The following ADAP2 variants were observed in gnomAD, a reference collection of about 807,000 sequenced individuals.
The protein encoded by ADAP2 is ArfGAP with dual PH domains 2, also known as arf-GAP with dual PH domain-containing protein 2.
In ADAP2, 42 loss-of-function variants were observed where a neutral mutation model predicts 54.9. That is an observed-to-expected ratio of 0.77 (90% CI 0.60 to 0.99). ADAP2 has a LOEUF of 0.99. Ranked by LOEUF, ADAP2 falls within the 50% of genes least tolerant of loss-of-function variation. The probability of loss-of-function intolerance (pLI) is 0.00; values close to 1 mark genes in which losing one functional copy is unlikely to be tolerated. For missense variants in ADAP2, 429 were observed against 480.4 expected, an observed-to-expected ratio of 0.89 and a Z score of 1.00; for synonymous variants, 177 against 180.1, an observed-to-expected ratio of 0.98 and a Z score of 0.14.
chr17:30,953,446 G>A, intron 8 of ADAP2, 96 bp downstream of exon 8: 1 of 1,350,648 alleles, frequency 7.4e-7, no homozygotes, highest in South Asian at 1.3e-5. Context: ...ACAGTGAAAG[G>A]TGTTAGGCCA....
chr17:30,936,427 T>C (rs1299172037), intron 5 of ADAP2, among the ~76,000 whole-genome samples: 1 of 152,138 alleles, frequency 6.6e-6, no homozygotes, highest in Non-Finnish European at 1.5e-5. Context: ...CCTCCCAAAG[T>C]ACTAGGATTA....
chr17:30,950,985 G>A (rs953590317), intron 7 of ADAP2, among the ~76,000 whole-genome samples: 1 of 152,164 alleles, frequency 6.6e-6, no homozygotes, highest in Non-Finnish European at 1.5e-5. Flanking sequence ...TCCACTGTCG[G>A]TACCTGATAT....
Position 30,949,304 on chromosome 17 carries a change from C to T in ADAP2, c.675C>T (p.Phe225=). 2 of 1,613,932 alleles carry T rather than the reference C, an allele frequency of 1.2e-6. No individual in the cohort carries two copies. The highest frequency in any genetic ancestry group is 2.2e-5 in the South Asian group (2 of 91,072). ...HESGKEIVDW[F]NALRAARLQY... ...CTCCGCAGGAGATAGTGGACTGGTT[C>T]AATGCCCTCCGTGCAGCCCGTCTGC... The change falls in exon 7 of 11, where the codon TTC becomes TTT. Residue 225 remains phenylalanine, a synonymous_variant. Transcript: ENST00000330889.
intron 6 of ADAP2, 100 bp downstream of exon 6, chr17:30,945,153 T>A: frequency 2.2e-6 from 3 of 1,379,570 alleles, no homozygotes; most frequent in Non-Finnish European, 2.0e-6. Context: ...TGTGCTCAGC[T>A]GCCTCTTGAG....
intron 3 of ADAP2, among the ~76,000 whole-genome samples, chr17:30,928,237 T>C (rs189516506): frequency 1.7e-3 from 250 of 145,008 alleles, no homozygotes; most frequent in Admixed American, 3.1e-3. Context: ...GGCTCACACC[T>C]GTAATCCTAG....
intron 6 of ADAP2, among the ~76,000 whole-genome samples, chr17:30,947,980 T>C (rs1399435205): frequency 2.6e-5 from 4 of 151,976 alleles, no homozygotes; most frequent in African/African-American, 9.7e-5. Flanking sequence ...TGGGTGAAGA[T>C]AGGCGGGGTA....
In ADAP2 at chr17:30,933,727, C is replaced by T. The variant is rs932482411; in HGVS notation, c.398-458C>T. Among the ~76,000 whole-genome samples the T allele has an allele frequency of 9.2e-5, 14 of 152,138 alleles. No homozygotes were observed. In the Middle Eastern group the frequency reaches 0.01, roughly 111 times the overall value. ...GTTGGTCAGGCTGGTCTTGAACTCC[C>T]GACCTTGTGATCTGCCCGCCTCGGC... On this transcript the variant is annotated intron_variant, in intron 4 of 10. Transcript: ENST00000330889.
At chr17:30,927,624 A>AT in intron 3 of ADAP2, among the ~76,000 whole-genome samples, 1 of 151,712 alleles carries the variant, frequency 6.6e-6, no homozygotes, top group Non-Finnish European at 1.5e-5. Context: ...CAAAAAAAAA[A>AT]AAAAATAAAA....
In ADAP2 at chr17:30,921,975, G is replaced by C. The variant is rs1039605579; in HGVS notation, c.-40G>C. On this transcript the variant is annotated 5_prime_UTR_variant, in exon 1 of 11. Transcript: ENST00000330889. ...TCTCCACCTGCCGGGCGGAGCGCACGGGCCATGGGCTGAGCCCCGCTGAGC... is the reference window on the plus strand; with the variant it reads ...TCTCCACCTGCCGGGCGGAGCGCACCGGCCATGGGCTGAGCCCCGCTGAGC... The C allele has an allele frequency of 4.1e-6, 5 of 1,212,618 alleles. No individual in the cohort carries two copies. The East Asian group carries it at 1.0e-4, about 24-fold the overall frequency. The allele number at this position is 1,212,618 out of a possible 1,614,324, so 75.1% of individuals were successfully genotyped here. A position where few individuals can be genotyped will look rare whatever the true frequency, so the allele number is the denominator to read the frequency against.
chr17:30,928,007 A>G (rs1911189691), intron 3 of ADAP2, among the ~76,000 whole-genome samples: 1 of 151,128 alleles, frequency 6.6e-6, no homozygotes, highest in Admixed American at 6.6e-5. Flanking sequence ...TGAGTGACAG[A>G]GTGAGACCTA....
At chr17:30,952,929 G>A (rs1217985295) in intron 7 of ADAP2, among the ~76,000 whole-genome samples, 6 of 152,072 alleles carry the variant, frequency 3.9e-5, no homozygotes, top group African/African-American at 4.8e-5. Context: ...TACCCACCTC[G>A]CAGGGTGATT....
intron 7 of ADAP2, among the ~76,000 whole-genome samples, chr17:30,953,073 C>T (rs1420462195): frequency 1.3e-5 from 2 of 152,156 alleles, no homozygotes; most frequent in East Asian, 1.9e-4. Context: ...AAAACTCGGC[C>T]GTGCCACTAA....
intron 2 of ADAP2, among the ~76,000 whole-genome samples, chr17:30,925,501 T>C (rs565207766): frequency 7.0e-4 from 107 of 152,102 alleles, no homozygotes; most frequent in African/African-American, 2.5e-3. Flanking sequence ...CTCTGTTATA[T>C]TTCCTTCTTC....
intron 4 of ADAP2, among the ~76,000 whole-genome samples, chr17:30,933,721 A>G (rs1911667076): frequency 6.6e-6 from 1 of 152,018 alleles, no homozygotes; most frequent in Non-Finnish European, 1.5e-5. Flanking sequence ...GCTGGTCTTG[A>G]ACTCCCGACC....
At chr17:30,951,719 C>T (rs142369600) in intron 7 of ADAP2, among the ~76,000 whole-genome samples, 1 of 150,144 alleles carries the variant, frequency 6.7e-6, no homozygotes, top group Non-Finnish European at 1.5e-5. Flanking sequence ...GCAGTGGCGC[C>T]ATCTTGGCTC....
chr17:30,942,341 G>A (rs966257779), intron 5 of ADAP2, among the ~76,000 whole-genome samples: 1 of 152,138 alleles, frequency 6.6e-6, no homozygotes, highest in Non-Finnish European at 1.5e-5. Context: ...GTCAAGTGTT[G>A]GTGAGTATAT....
At chr17:30,955,908 A>C (rs921497448) in intron 9 of ADAP2, among the ~76,000 whole-genome samples, 3 of 151,862 alleles carry the variant, frequency 2.0e-5, no homozygotes, top group African/African-American at 7.3e-5. Context: ...ATTCATAATA[A>C]TAATTAATAA....
At chr17:30,922,576 C>G (rs901562372) in intron 1 of ADAP2, among the ~76,000 whole-genome samples, 1 of 152,190 alleles carries the variant, frequency 6.6e-6, no homozygotes, top group Non-Finnish European at 1.5e-5. Flanking sequence ...CAGACGCCCC[C>G]CGAAGGCCTC....
chr17:30,953,448 G>A (rs1388399925), intron 8 of ADAP2, 98 bp downstream of exon 8: 3 of 1,329,072 alleles, frequency 2.3e-6, no homozygotes, highest in Non-Finnish European at 3.2e-6. Flanking sequence ...AGTGAAAGGT[G>A]TTAGGCCAAG....
Sources: allele counts gnomAD v4.1 joint callset (sites outside exome capture counted in the v4.1 genomes callset), GRCh38; gene constraint gnomAD v4.1.1; transcripts MANE v1.5; gene names NCBI Gene and HGNC (gene_info 2026-07-23, HGNC 2026-07-21).